Variants in TTC7B observed in about 807,000 individuals in gnomAD.
TTC7B encodes tetratricopeptide repeat protein 7B.
TTC7B carries 28 observed loss-of-function variants against 106.8 expected under a neutral mutation model. That is an observed-to-expected ratio of 0.26 (90% CI 0.19 to 0.36). The LOEUF is 0.36. TTC7B is among the 10% of genes least tolerant of loss of function. The pLI is 1.00. For synonymous variants in TTC7B, 405 were observed against 430.6 expected, an observed-to-expected ratio of 0.94 and a Z score of 0.74; for missense variants, 862 against 1,076.4, an observed-to-expected ratio of 0.80 and a Z score of 2.79.
At chr14:90,739,082 T>C (rs907553393) in intron 4 of TTC7B, among the ~76,000 whole-genome samples, 1 of 152,190 alleles carries the variant, frequency 6.6e-6, no homozygotes, top group African/African-American at 2.4e-5. Context: ...AAGCACTTGC[T>C]CTTGCCTGGT....
chr14:90,634,818 G>C (rs1432570907), intron 15 of TTC7B, among the ~76,000 whole-genome samples: 1 of 151,994 alleles, frequency 6.6e-6, no homozygotes, highest in Non-Finnish European at 1.5e-5. Flanking sequence ...TATGAAGAAA[G>C]AATAGCTGGG....
At chr14:90,557,234 C>T (rs927167812) in intron 19 of TTC7B, among the ~76,000 whole-genome samples, 24 of 152,178 alleles carry the variant, frequency 1.6e-4, no homozygotes, top group African/African-American at 5.3e-4. Flanking sequence ...ACACTGGCAG[C>T]AAAGGCCTGT....
chr14:90,727,529 C>A (rs1889155926), intron 5 of TTC7B, among the ~76,000 whole-genome samples: 1 of 152,240 alleles, frequency 6.6e-6, no homozygotes, highest in Admixed American at 6.5e-5. Flanking sequence ...GGATCTAACA[C>A]ATCAGAAGGG....
intron 17 of TTC7B, among the ~76,000 whole-genome samples, chr14:90,609,696 T>C (rs373214533): frequency 9.9e-5 from 15 of 152,194 alleles, no homozygotes; most frequent in African/African-American, 3.6e-4. Context: ...CGGTCCCCTG[T>C]GGGTGGGGGA....
intron 1 of TTC7B, among the ~76,000 whole-genome samples, chr14:90,811,233 T>A (rs1268863992): frequency 2.0e-5 from 3 of 151,948 alleles, no homozygotes. Flanking sequence ...GAGGACAGAG[T>A]GTTTGAAAGC....
At chr14:90,579,133 G>A (rs190690852) in intron 18 of TTC7B, among the ~76,000 whole-genome samples, 2 of 152,170 alleles carry the variant, frequency 1.3e-5, no homozygotes, top group Non-Finnish European at 2.9e-5. Context: ...AACTGGCCCC[G>A]AGGGCCTCTT....
intron 6 of TTC7B, among the ~76,000 whole-genome samples, chr14:90,692,266 G>A (rs1412959394): frequency 6.6e-6 from 1 of 152,040 alleles, no homozygotes; most frequent in Non-Finnish European, 1.5e-5. Flanking sequence ...GGAGTGCAGT[G>A]GTGCAATCAC....
chr14:90,660,395 CAAAAAAA>C (rs57030874), intron 9 of TTC7B, among the ~76,000 whole-genome samples: 63 of 40,892 alleles, frequency 1.5e-3, no homozygotes, highest in Admixed American at 8.3e-3. Context: ...CACCCTGTCT[CAAAAAAA>C]AAAAAAAAAA....
At chr14:90,694,719 T>TATATTTTATTTTATTATAAAAG (rs1414274344) in intron 6 of TTC7B, among the ~76,000 whole-genome samples, 2 of 130,606 alleles carry the variant, frequency 1.5e-5, no homozygotes, top group African/African-American at 5.4e-5. Context: ...TATTATAAAA[T>TATATTTTATTTTATTATAAAAG]AGGTATATTT....
rs1037539472 is a variant in TTC7B, at chr14:90,570,894, G to A, written c.2310+7212C>T. ...ACAGAGAGATGAAGGGACTTATCTC[G>A]GGGTACGCAGTTAGTAAGCGACACA... On this transcript the variant is annotated intron_variant, in intron 19 of 19. Coordinates refer to ENST00000328459, the MANE Select transcript of TTC7B (RefSeq NM_001010854.2). The surrounding 1 kb of genome is among the most constrained non-coding windows in gnomAD (Gnocchi z 4.0). Among the ~76,000 whole-genome samples, 6 of 152,312 alleles carry A rather than the reference G, an allele frequency of 3.9e-5. No homozygotes were observed. Among genetic ancestry groups the A allele is most frequent in the African/African-American group, 7.2e-5 (3 of 41,560 alleles).
intron 8 of TTC7B, among the ~76,000 whole-genome samples, chr14:90,679,005 A>G (rs1435826595): frequency 1.3e-5 from 2 of 152,316 alleles, no homozygotes; most frequent in East Asian, 3.9e-4. Flanking sequence ...GGAGGCCAAG[A>G]TGAGCTGGCT....
At chr14:90,628,569 A>G (rs1351584293) in intron 15 of TTC7B, among the ~76,000 whole-genome samples, 2 of 152,036 alleles carry the variant, frequency 1.3e-5, no homozygotes, top group Non-Finnish European at 2.9e-5. Context: ...TGTGATATGG[A>G]CTTGATCCAT....
In TTC7B at chr14:90,780,735, C is replaced by T. The variant is rs1891191863; in HGVS notation, c.445+3G>A. 6.2e-7 allele frequency: 1 copy of T among 1,613,782 alleles called. No individual in the cohort carries two copies. The highest frequency in any genetic ancestry group is 8.5e-7 in the Non-Finnish European group (1 of 1,179,916). On this transcript the variant is annotated splice_donor_region_variant and intron_variant, in intron 3 of 19. Transcript: ENST00000328459. Reference sequence around the variant, plus strand: ...ACACTGTGTTAGAAGGCACGGGCCTCACCTTTGGTAGCGTAGGCTTCTGCG... The same window carrying T: ...ACACTGTGTTAGAAGGCACGGGCCTTACCTTTGGTAGCGTAGGCTTCTGCG...
At chr14:90,609,517 C>T (rs1892793032) in intron 17 of TTC7B, among the ~76,000 whole-genome samples, 2 of 152,154 alleles carry the variant, frequency 1.3e-5, no homozygotes, top group Admixed American at 1.3e-4. Flanking sequence ...AGGTTTTTCC[C>T]AGGACAAGCC....
intron 13 of TTC7B, among the ~76,000 whole-genome samples, chr14:90,651,201 G>A (rs1318891772): frequency 1.3e-5 from 2 of 152,012 alleles, no homozygotes; most frequent in Non-Finnish European, 2.9e-5. Flanking sequence ...ATTTTTGTTA[G>A]GACTGCAATT....
At chr14:90,555,973 G>A (rs897318736) in intron 19 of TTC7B, among the ~76,000 whole-genome samples, 4 of 152,240 alleles carry the variant, frequency 2.6e-5, no homozygotes, top group African/African-American at 9.6e-5. Flanking sequence ...GTCCACATGA[G>A]CTCCCTGCCG....
At chr14:90,592,339 T>C (rs77443014) in intron 18 of TTC7B, among the ~76,000 whole-genome samples, 1,863 of 152,362 alleles carry the variant, frequency 0.012, 14 homozygotes, top group Non-Finnish European at 0.02. Context: ...ACCTTTTATG[T>C]TGAAATATAA....
intron 9 of TTC7B, among the ~76,000 whole-genome samples, chr14:90,670,207 G>A (rs561287004): frequency 1.4e-3 from 220 of 152,314 alleles, no homozygotes; most frequent in Admixed American, 2.4e-3. Flanking sequence ...TTATAACATG[G>A]CTGAATCTTG....
rs568653464 is a variant in TTC7B, at chr14:90,539,365, A to C, written c.*2003T>G. 2.6e-5 allele frequency: 4 copies of C among 152,732 alleles called. No individual in the cohort carries two copies. The highest frequency in any genetic ancestry group is 9.6e-5 in the African/African-American group (4 of 41,598). 9.5% of individuals were successfully genotyped at this position (152,732 alleles called of 1,614,324 possible). On this transcript the variant is annotated 3_prime_UTR_variant, in exon 20 of 20. Coordinates refer to ENST00000328459, the MANE Select transcript of TTC7B (RefSeq NM_001010854.2). ...CCTCCTCCCTTCCTGGTCCTGATCCAGTGGGCCTTGCCCCACGCTCCCGCA... is the reference window on the plus strand; with the variant it reads ...CCTCCTCCCTTCCTGGTCCTGATCCCGTGGGCCTTGCCCCACGCTCCCGCA...
Sources: gnomAD v4.1 joint callset for allele counts (sites outside exome capture counted in the v4.1 genomes callset) on GRCh38, gnomAD v4.1.1 for gene constraint, Gnocchi (gnomAD v3.1) non-coding constraint, MANE v1.5 for transcripts, NCBI Gene and HGNC (gene_info 2026-07-23, HGNC 2026-07-21) for gene names.